Variants in ADGRE1 observed in about 807,000 individuals in gnomAD.
ADGRE1 encodes adhesion G protein-coupled receptor E1.
Under a neutral mutation model 102.7 loss-of-function variants are expected in ADGRE1, and 82 were observed. The ratio of observed to expected loss-of-function variants is 0.80; its 90% CI spans 0.67 to 0.96. The LOEUF (loss-of-function observed/expected upper bound fraction) is 0.96. Among genes scored for constraint, ADGRE1 ranks in the 40% least tolerant of loss-of-function variants. The pLI is 0.00. For synonymous variants in ADGRE1, 398 were observed against 399.6 expected (o/e 1.00, Z 0.05); for missense variants, 1,032 against 1,085.3 (o/e 0.95, Z 0.69).
Position 6,924,885 on chromosome 19 carries a change from C to G in ADGRE1, c.1986+13C>G. 6.2e-7 allele frequency: 1 copy of G among 1,612,816 alleles called. No individual in the cohort carries two copies. Among genetic ancestry groups the G allele is most frequent in the Non-Finnish European group, 8.5e-7 (1 of 1,179,334 alleles). On this transcript the variant is annotated intron_variant, in intron 15 of 20. Transcript: ENST00000312053. ...GACTGACAACAAGGTCTACATCGCT[C>G]GGGCTGTGTCCCCACCAAGCCCCAT... is the stretch of plus-strand genomic sequence containing the variant.
intron 3 of ADGRE1, 133 bp from the exon 4 acceptor site, chr19:6,897,016 T>C: frequency 1.1e-6 from 1 of 917,334 alleles, no homozygotes; most frequent in Non-Finnish European, 1.6e-6. Flanking sequence ...CTTCCATTGC[T>C]TGACAGAAGA....
At chr19:6,916,762 T>A (rs1216090601) in intron 12 of ADGRE1, among the ~76,000 whole-genome samples, 4 of 151,116 alleles carry the variant, frequency 2.6e-5, no homozygotes, top group South Asian at 2.1e-4. Flanking sequence ...AATATTTAAA[T>A]TTTTAAAATA....
chr19:6,932,514 C>T (rs536479860), intron 17 of ADGRE1, among the ~76,000 whole-genome samples: 1 of 152,184 alleles, frequency 6.6e-6, no homozygotes, highest in South Asian at 2.1e-4. Flanking sequence ...AAAAGGCTAT[C>T]TGTTGGGGTT....
intron 1 of ADGRE1, among the ~76,000 whole-genome samples, chr19:6,888,937 A>G (rs1373910633): frequency 6.6e-6 from 1 of 152,188 alleles, no homozygotes; most frequent in Non-Finnish European, 1.5e-5. Context: ...AAGAGTTGTG[A>G]TAATGATAGT....
intron 16 of ADGRE1, among the ~76,000 whole-genome samples, chr19:6,927,083 G>A (rs537478650): frequency 1.4e-4 from 22 of 152,100 alleles, no homozygotes; most frequent in Admixed American, 3.9e-4. Context: ...GGGAATATTG[G>A]GGTGCTGTTA....
intron 17 of ADGRE1, among the ~76,000 whole-genome samples, chr19:6,929,369 G>A (rs1306245101): frequency 6.6e-6 from 1 of 152,100 alleles, no homozygotes; most frequent in Non-Finnish European, 1.5e-5. Context: ...AAGATTGGTT[G>A]GACCCAGTGT....
chr19:6,919,812 C>T (rs1218728038), intron 13 of ADGRE1, 65 bp downstream of exon 13: 4 of 1,492,382 alleles, frequency 2.7e-6, no homozygotes, highest in South Asian at 2.3e-5. Context: ...CTCTCGATTG[C>T]CTTAACTCTC....
At chr19:6,908,931 C>A (rs1464565974) in intron 10 of ADGRE1, among the ~76,000 whole-genome samples, 159 bp downstream of exon 10, 1 of 151,912 alleles carries the variant, frequency 6.6e-6, no homozygotes, top group South Asian at 2.1e-4. Context: ...GTCAGGAGTT[C>A]AAGACCAGCC....
intron 10 of ADGRE1, among the ~76,000 whole-genome samples, chr19:6,912,777 A>G (rs1371338794): frequency 1.3e-5 from 2 of 152,218 alleles, no homozygotes; most frequent in Non-Finnish European, 2.9e-5. Flanking sequence ...CCTGAGATGA[A>G]CATCACTGGA....
intron 3 of ADGRE1, 165 bp downstream of exon 3, chr19:6,896,706 T>G (rs1366743645): frequency 2.9e-5 from 22 of 755,846 alleles, no homozygotes; most frequent in Admixed American, 6.1e-5. Flanking sequence ...AAGGTTAATA[T>G]TGATATGTGG....
chr19:6,896,449 A>G lies in ADGRE1; in HGVS notation c.146A>G (p.Asn49Ser), dbSNP rs756240238. ...TGCCCAGCTTATGCCACCTGCACCA[A>G]TACAGTGGACAGTTACTATTGCGCT... Reference protein sequence around the residue: ...TLCPAYATCTNTVDSYYCACK... With the variant: ...TLCPAYATCTSTVDSYYCACK... The change falls in exon 3 of 21, where the codon AAT becomes AGT. Residue 49 changes from asparagine (N) to serine (S), a missense_variant. Asn to Ser is a conservative substitution (Grantham distance 46). Transcript: ENST00000312053. 3.6e-5 allele frequency: 58 copies of G among 1,614,010 alleles called. No homozygotes were observed. The highest frequency in any genetic ancestry group is 4.4e-5 in the Non-Finnish European group (52 of 1,179,992).
chr19:6,940,229 A>G lies in ADGRE1; in HGVS notation c.*200A>G. The G allele has an allele frequency of 1.6e-6, 1 of 625,172 alleles. No individual in the cohort carries two copies. The allele number at this position is 625,172 out of a possible 1,614,324, so 38.7% of individuals were successfully genotyped here. A position where few individuals can be genotyped will look rare whatever the true frequency, so the allele number is the denominator to read the frequency against. Reference sequence around the variant, plus strand: ...TGAGAAATCAGGCGTTTCTGCTCCAAACGACCATTTTATCTTCGTGCTCTG... The same window carrying G: ...TGAGAAATCAGGCGTTTCTGCTCCAGACGACCATTTTATCTTCGTGCTCTG... On this transcript the variant is annotated 3_prime_UTR_variant, in exon 21 of 21. Coordinates refer to ENST00000312053, the MANE Select transcript of ADGRE1 (RefSeq NM_001974.5).
At position 6,928,430 on chromosome 19, in the gene ADGRE1, A is replaced by G. The variant is rs1469183266; in HGVS notation, c.2289+219A>G. 2.5e-6 allele frequency: 3 copies of G among 1,178,304 alleles called. No homozygotes were observed. In the East Asian group the frequency reaches 8.3e-5, roughly 33 times the overall value. The allele number at this position is 1,178,304 out of a possible 1,614,324, so 73.0% of individuals were successfully genotyped here. A position where few individuals can be genotyped will look rare whatever the true frequency, so the allele number is the denominator to read the frequency against. ...CACCTGAGGTCAGGAGTTCGAGAAC[A>G]GTCTGGCCAACTTGGCGAAACCCCA... is the stretch of plus-strand genomic sequence containing the variant. On this transcript the variant is annotated intron_variant, in intron 17 of 20. Transcript: ENST00000312053.
At chr19:6,914,580 T>C (rs1249251127) in intron 11 of ADGRE1, among the ~76,000 whole-genome samples, 1 of 152,164 alleles carries the variant, frequency 6.6e-6, no homozygotes, top group African/African-American at 2.4e-5. Flanking sequence ...AGTTCCTACC[T>C]AATGGATGCC....
chr19:6,933,427 GC>G (rs1263335737), intron 17 of ADGRE1, among the ~76,000 whole-genome samples: 1 of 130,594 alleles, frequency 7.7e-6, no homozygotes, highest in African/African-American at 3.0e-5. Context: ...CGCTCTTGTT[GC>G]CCAGGCTGGA....
chr19:6,937,626 C>A lies in ADGRE1; in HGVS notation c.2633C>A (p.Ser878Tyr). The change falls in exon 20 of 21, where the codon TCC (serine) becomes TAC (tyrosine). Residue 878 changes from serine (S) to tyrosine (Y), a missense_variant. By Grantham distance (144) the Ser-to-Tyr change is moderately radical. Coordinates refer to ENST00000312053, the MANE Select transcript of ADGRE1 (RefSeq NM_001974.5). ...QSQTSRILLS[S>Y]MPSASKTG ...CAGACCTCAAGGATCTTGCTGTCCT[C>A]CATGCCATCCGCTTCCAAGACGGTG... The A allele has an allele frequency of 3.1e-6, 5 of 1,614,082 alleles. No individual in the cohort carries two copies. Among genetic ancestry groups the A allele is most frequent in the Non-Finnish European group, 4.2e-6 (5 of 1,179,990 alleles).
rs140762060 is a variant in ADGRE1, at chr19:6,897,715, C to T, written c.514+168C>T. ...TCTTTTTCTATCCCTTTACTTTGAGCCTGTGGGTGTCTTTACATGCTAGGT... is the reference window on the plus strand; with the variant it reads ...TCTTTTTCTATCCCTTTACTTTGAGTCTGTGGGTGTCTTTACATGCTAGGT... On this transcript the variant is annotated intron_variant, in intron 5 of 20. Transcript: ENST00000312053. 71 of 667,582 alleles carry T rather than the reference C, an allele frequency of 1.1e-4. No individual in the cohort carries two copies. In the African/African-American group the frequency reaches 1.1e-3, roughly 10 times the overall value. 41.4% of individuals were successfully genotyped at this position (667,582 alleles called of 1,614,324 possible). A position where few individuals can be genotyped will look rare whatever the true frequency, so the allele number is the denominator to read the frequency against.
chr19:6,904,470 C>T (rs1305284582), intron 8 of ADGRE1, among the ~76,000 whole-genome samples: 1 of 151,798 alleles, frequency 6.6e-6, no homozygotes, highest in African/African-American at 2.4e-5. Flanking sequence ...AGCCAGAACA[C>T]ACACACACCC....
chr19:6,913,190 C>CT (rs1387878894), intron 10 of ADGRE1, among the ~76,000 whole-genome samples: 2 of 150,760 alleles, frequency 1.3e-5, no homozygotes, highest in Admixed American at 1.3e-4. Flanking sequence ...CTTTTTTTTT[C>CT]TTTTTTCAGA....
Sources: allele counts gnomAD v4.1 joint callset (sites outside exome capture counted in the v4.1 genomes callset), GRCh38; gene constraint gnomAD v4.1.1; transcripts MANE v1.5; gene names NCBI Gene and HGNC (gene_info 2026-07-23, HGNC 2026-07-21).